SLC35F4: variants seen among roughly 807,000 people sequenced by gnomAD.
SLC35F4 encodes solute carrier family 35 member F4.
In SLC35F4, 24 loss-of-function variants were observed where a neutral mutation model predicts 44.2. The observed-to-expected ratio is 0.54, with a 90% CI of 0.39 to 0.76. The LOEUF (loss-of-function observed/expected upper bound fraction) is 0.76. SLC35F4 is among the 30% of genes least tolerant of loss of function. The pLI, the probability that SLC35F4 is intolerant of heterozygous loss-of-function variation, is 0.00. For synonymous variants in SLC35F4, 238 were observed against 223.6 expected (o/e 1.06, Z -0.57); for missense variants, 562 against 586.1 (o/e 0.96, Z 0.42).
At chr14:57,616,350 A>G (rs2140071927) in intron 1 of SLC35F4, among the ~76,000 whole-genome samples, 1 of 152,342 alleles carries the variant, frequency 6.6e-6, no homozygotes, top group South Asian at 2.1e-4. Flanking sequence ...AGCATTGGCT[A>G]GTTTGATGTC....
intron 1 of SLC35F4, among the ~76,000 whole-genome samples, chr14:57,966,748 G>A (rs144155814): frequency 3.9e-5 from 6 of 152,246 alleles, no homozygotes; most frequent in Admixed American, 6.5e-5. Flanking sequence ...AGTGGTACAC[G>A]CCTGTAATCC....
At chr14:57,870,264 GTCTTTC>G (rs1888269112), upstream of SLC35F4, among the ~76,000 whole-genome samples, 1 of 149,910 alleles carries the variant, frequency 6.7e-6, no homozygotes, top group Non-Finnish European at 1.5e-5. Flanking sequence ...CTCTGTCTCT[GTCTTTC>G]TCTTTCTCCT....
At chr14:57,639,002 C>A (rs11844369) in intron 1 of SLC35F4, among the ~76,000 whole-genome samples, 2,516 of 152,108 alleles carry the variant, frequency 0.017, 66 homozygotes, top group African/African-American at 0.057. Flanking sequence ...TCATAAACCC[C>A]AAAATTCTGC....
chr14:57,742,871 G>C (rs980098998), intron 1 of SLC35F4, among the ~76,000 whole-genome samples: 2 of 152,114 alleles, frequency 1.3e-5, no homozygotes, highest in Non-Finnish European at 2.9e-5. Flanking sequence ...ATAACAAACT[G>C]TCTCTCAGAC....
chr14:57,656,388 C>T (rs1196894956), intron 1 of SLC35F4, among the ~76,000 whole-genome samples: 20 of 146,854 alleles, frequency 1.4e-4, no homozygotes, highest in African/African-American at 3.3e-4. Context: ...CACACACACA[C>T]ACACACACAC....
At chr14:57,630,919 AT>A in intron 1 of SLC35F4, 1 of 829,316 alleles carries the variant, frequency 1.2e-6, no homozygotes, top group Non-Finnish European at 1.5e-6. Context: ...GTCTCTGTAT[AT>A]TTTTGTAAAG....
intron 1 of SLC35F4, among the ~76,000 whole-genome samples, chr14:57,616,952 C>T (rs1165946835): frequency 1.3e-5 from 2 of 151,968 alleles, no homozygotes; most frequent in Non-Finnish European, 2.9e-5. Flanking sequence ...CAATCAGAGC[C>T]ACAGACACTG....
upstream of SLC35F4, among the ~76,000 whole-genome samples, chr14:57,869,950 T>G (rs892418726): frequency 4.6e-5 from 7 of 152,160 alleles, no homozygotes; most frequent in Non-Finnish European, 1.0e-4. Context: ...TCAAAGGGGC[T>G]GGGTGTCTGT....
chr14:57,671,762 C>T (rs991216334), intron 1 of SLC35F4, among the ~76,000 whole-genome samples: 1 of 151,934 alleles, frequency 6.6e-6, no homozygotes, highest in African/African-American at 2.4e-5. Flanking sequence ...ATCCCAGTGC[C>T]CCCAGCTAGT....
chr14:57,841,808 G>A (rs1391337355), intron 1 of SLC35F4, among the ~76,000 whole-genome samples: 1 of 151,938 alleles, frequency 6.6e-6, no homozygotes, highest in Non-Finnish European at 1.5e-5. Context: ...TAAAAACCTG[G>A]TATATGACTC....
intron 1 of SLC35F4, among the ~76,000 whole-genome samples, chr14:57,876,051 G>A (rs1215824535): frequency 3.3e-5 from 5 of 152,172 alleles, no homozygotes; most frequent in African/African-American, 7.2e-5. Flanking sequence ...CTGCAACAAC[G>A]AGATTTGGTC....
chr14:57,932,579 T>G (rs1328745669), intron 1 of SLC35F4, among the ~76,000 whole-genome samples: 1 of 152,176 alleles, frequency 6.6e-6, no homozygotes, highest in African/African-American at 2.4e-5. Flanking sequence ...CCAGGTGTGG[T>G]GTCTCACACC....
intron 1 of SLC35F4, among the ~76,000 whole-genome samples, chr14:57,791,300 A>T (rs2077912051): frequency 6.6e-6 from 1 of 152,212 alleles, no homozygotes. Context: ...AAAAAAACAA[A>T]CAACCCCATC....
chr14:57,886,009 T>C (rs1332044622), intron 1 of SLC35F4, among the ~76,000 whole-genome samples: 4 of 152,216 alleles, frequency 2.6e-5, no homozygotes, highest in Non-Finnish European at 4.4e-5. Flanking sequence ...CTAATAAATA[T>C]TGCAGACTGA....
chr14:57,848,129 G>A lies in SLC35F4; in HGVS notation c.103+17594C>T, dbSNP rs12434423. Among the ~76,000 whole-genome samples, 95 of 152,278 alleles carry A rather than the reference G, an allele frequency of 6.2e-4. 1 individual carries two copies. Among genetic ancestry groups the A allele is most frequent in the Admixed American group, 3.5e-3 (53 of 15,294 alleles). ...AATGGAAATTAGTTTAATTTACCAC[G>A]CAGAATTTCTCAAAGCCTGGAAATT... On this transcript the variant is annotated intron_variant, in intron 1 of 7. Transcript: ENST00000556826.
At chr14:57,980,171 T>C (rs1881336027) in intron 1 of SLC35F4, among the ~76,000 whole-genome samples, 1 of 152,188 alleles carries the variant, frequency 6.6e-6, no homozygotes, top group Non-Finnish European at 1.5e-5. Context: ...ATTGTAATAA[T>C]GTGACTATGG....
At chr14:57,917,723 T>C (rs773508307) in intron 1 of SLC35F4, among the ~76,000 whole-genome samples, 61 of 152,218 alleles carry the variant, frequency 4.0e-4, no homozygotes, top group Admixed American at 3.3e-4. Flanking sequence ...AGGGGGTACA[T>C]GTACAGGTTT....
chr14:57,948,690 TA>T (rs1390295823), intron 1 of SLC35F4, among the ~76,000 whole-genome samples: 1 of 152,124 alleles, frequency 6.6e-6, no homozygotes, highest in Non-Finnish European at 1.5e-5. Flanking sequence ...ACTTTCCTCT[TA>T]GAACCACTTT....
intron 1 of SLC35F4, among the ~76,000 whole-genome samples, chr14:57,664,915 C>G (rs780243711): frequency 6.6e-6 from 1 of 152,104 alleles, no homozygotes; most frequent in Non-Finnish European, 1.5e-5. Flanking sequence ...AGAGCCTAAC[C>G]AAGCAATGAG....
Sources: allele counts gnomAD v4.1 joint callset (sites outside exome capture counted in the v4.1 genomes callset), GRCh38; gene constraint gnomAD v4.1.1; transcripts MANE v1.5; gene names NCBI Gene and HGNC (gene_info 2026-07-23, HGNC 2026-07-21).